Variants in SYT17 observed in about 807,000 individuals in gnomAD.
SYT17 encodes the protein synaptotagmin-17.
In SYT17, 22 loss-of-function variants were observed where a neutral mutation model predicts 46.7. The ratio of observed to expected loss-of-function variants is 0.47; its 90% CI spans 0.34 to 0.67. The LOEUF (loss-of-function observed/expected upper bound fraction) is 0.67. SYT17 is among the 30% of genes least tolerant of loss of function. The probability of loss-of-function intolerance (pLI) is 0.01; values close to 1 mark genes in which losing one functional copy is unlikely to be tolerated. For synonymous variants in SYT17, 251 were observed against 248.4 expected (o/e 1.01, Z -0.10); for missense variants, 519 against 612.8 (o/e 0.85, Z 1.62).
At position 19,238,546 on chromosome 16, in the gene SYT17, A is replaced by G. The variant is rs779181394; in HGVS notation, c.1228+13708A>G. Among the ~76,000 whole-genome samples the G allele has an allele frequency of 3.9e-5, 6 of 152,246 alleles. No individual in the cohort carries two copies. In the South Asian group the frequency reaches 6.2e-4, roughly 16 times the overall value. On this transcript the variant is annotated intron_variant, in intron 7 of 7. Transcript: ENST00000355377. ...GTGGTAGAACTTGGCTGGATCGTAC[A>G]CATCCATTATGGGTTCCAATGGCAG...
intron 5 of SYT17, among the ~76,000 whole-genome samples, chr16:19,201,014 C>T (rs908331609): frequency 6.6e-6 from 1 of 152,128 alleles, no homozygotes; most frequent in African/African-American, 2.4e-5. Context: ...CCCCACCACC[C>T]AGGGCTCTCT....
chr16:19,183,800 A>T lies in SYT17; in HGVS notation c.604A>T (p.Thr202Ser), dbSNP rs771060325. The T allele has an allele frequency of 1.5e-5, 24 of 1,613,860 alleles. No homozygotes were observed. In the East Asian group the frequency reaches 5.3e-4, roughly 36 times the overall value. ...GTACGACCTGCTGCACAACCACCTCACCGTGCGCGTGATCGAGGCCAGGGA... is the reference window on the plus strand; with the variant it reads ...GTACGACCTGCTGCACAACCACCTCTCCGTGCGCGTGATCGAGGCCAGGGA... ...TQYDLLHNHLTVRVIEARDLP... is the reference protein window; with the variant it reads ...TQYDLLHNHLSVRVIEARDLP... The change falls in exon 5 of 8, where the codon ACC becomes TCC. Residue 202 changes from threonine to serine, a missense_variant. Transcript: ENST00000355377. The surrounding 1 kb of genome is among the most constrained non-coding windows in gnomAD (Gnocchi z 5.6).
At chr16:19,235,415 G>A (rs1404042263) in intron 7 of SYT17, among the ~76,000 whole-genome samples, 1 of 152,126 alleles carries the variant, frequency 6.6e-6, no homozygotes, top group Non-Finnish European at 1.5e-5. Context: ...CAGAAGGCAG[G>A]ATAGAACTTG....
In SYT17 at chr16:19,267,184, T is replaced by G; in HGVS notation, c.*108T>G. 1.0e-6 allele frequency: 1 copy of G among 955,332 alleles called. No homozygotes were observed. Among genetic ancestry groups the G allele is most frequent in the Non-Finnish European group, 1.5e-6 (1 of 664,632 alleles). 59.2% of individuals were successfully genotyped at this position (955,332 alleles called of 1,614,324 possible). ...CACCTGCATACACACTCGCAACATG[T>G]CTACACACGTCCACACACACAGACA... On this transcript the variant is annotated 3_prime_UTR_variant, in exon 8 of 8. Coordinates refer to ENST00000355377, the MANE Select transcript of SYT17 (RefSeq NM_016524.4).
intron 5 of SYT17, among the ~76,000 whole-genome samples, chr16:19,195,869 C>T (rs1965220047): frequency 6.6e-6 from 1 of 152,044 alleles, no homozygotes; most frequent in South Asian, 2.1e-4. Flanking sequence ...TCCACATTCG[C>T]AGCAACTCGG....
At chr16:19,260,336 CAAAAAAAA>C (rs34504914) in intron 7 of SYT17, among the ~76,000 whole-genome samples, 18 of 22,884 alleles carry the variant, frequency 7.9e-4, no homozygotes, top group Admixed American at 3.1e-3. Flanking sequence ...CAGAAAATAC[CAAAAAAAA>C]AAAAAAAAAA....
intron 7 of SYT17, among the ~76,000 whole-genome samples, chr16:19,254,214 G>A (rs1219838221): frequency 6.6e-6 from 1 of 152,182 alleles, no homozygotes; most frequent in Non-Finnish European, 1.5e-5. Context: ...AACTCCCTGA[G>A]TGAGTCTGCT....
chr16:19,249,990 T>C, intron 7 of SYT17: 2 of 1,536,026 alleles, frequency 1.3e-6, no homozygotes, highest in South Asian at 2.4e-5. Context: ...ACCCAGCTCA[T>C]GGTATCAGTC....
At chr16:19,175,584 A>G (rs1035190901) in intron 3 of SYT17, among the ~76,000 whole-genome samples, 24 of 141,204 alleles carry the variant, frequency 1.7e-4, no homozygotes, top group African/African-American at 6.4e-4. Flanking sequence ...CTGGAAAGTC[A>G]GGGCTGCAGT....
intron 7 of SYT17, among the ~76,000 whole-genome samples, chr16:19,230,177 G>T (rs540421723): frequency 6.6e-6 from 1 of 152,278 alleles, no homozygotes; most frequent in African/African-American, 2.4e-5. Flanking sequence ...GGAGGCCGAA[G>T]TGGGTGGATC....
chr16:19,249,237 G>A (rs1007352355), intron 7 of SYT17, among the ~76,000 whole-genome samples: 3 of 152,048 alleles, frequency 2.0e-5, no homozygotes, highest in African/African-American at 7.2e-5. Context: ...TCATGCCACG[G>A]CACTCCAGCC....
At chr16:19,231,184 A>C (rs1966667690) in intron 7 of SYT17, among the ~76,000 whole-genome samples, 1 of 152,170 alleles carries the variant, frequency 6.6e-6, no homozygotes, top group Non-Finnish European at 1.5e-5. Context: ...TAAATTTGAA[A>C]GAACCAAATG....
chr16:19,260,418 G>A (rs11640489), intron 7 of SYT17, among the ~76,000 whole-genome samples: 63,102 of 139,356 alleles, frequency 0.45, 15,241 homozygotes, highest in East Asian at 0.6. Context: ...GCTGAGGTAG[G>A]AGGATCACTT....
At chr16:19,171,873 G>T (rs1462900919) in intron 1 of SYT17, 1 of 152,164 alleles carries the variant, frequency 6.6e-6, no homozygotes, top group African/African-American at 2.4e-5. Context: ...TAAAAGAAAG[G>T]GGATGGGGGA....
At chr16:19,226,940 G>A (rs1440639956) in intron 7 of SYT17, among the ~76,000 whole-genome samples, 1 of 152,172 alleles carries the variant, frequency 6.6e-6, no homozygotes, top group African/African-American at 2.4e-5. Flanking sequence ...ATGAAAAGAT[G>A]TGTAAGGACA....
chr16:19,197,110 G>A (rs533994759), intron 5 of SYT17, among the ~76,000 whole-genome samples: 254 of 152,288 alleles, frequency 1.7e-3, no homozygotes, highest in African/African-American at 6.0e-3. Context: ...TCTTTAACTT[G>A]CCCTGAGCTG....
At chr16:19,263,888 T>C (rs1204570501) in intron 7 of SYT17, among the ~76,000 whole-genome samples, 1 of 152,200 alleles carries the variant, frequency 6.6e-6, no homozygotes, top group Non-Finnish European at 1.5e-5. Flanking sequence ...CTCCAAATTA[T>C]TCAGCTGCTG....
In SYT17 at chr16:19,267,929, A is replaced by G. The variant is rs1325543301; in HGVS notation, c.*853A>G. On this transcript the variant is annotated 3_prime_UTR_variant, in exon 8 of 8. Transcript: ENST00000355377. ...CTGTCTGTCAGAGATCCCACTTTGG[A>G]TAAAAGTAGTGTGTGTGTGTGTGTG... 6.7e-6 allele frequency: 1 copy of G among 149,850 alleles called. No homozygotes were observed. Among genetic ancestry groups the G allele is most frequent in the African/African-American group, 2.6e-5 (1 of 39,196 alleles). The allele number at this position is 149,850 out of a possible 1,614,324, so 9.3% of individuals were successfully genotyped here. A position where few individuals can be genotyped will look rare whatever the true frequency, so the allele number is the denominator to read the frequency against.
chr16:19,261,589 G>A (rs1968979905), intron 7 of SYT17, among the ~76,000 whole-genome samples: 1 of 152,142 alleles, frequency 6.6e-6, no homozygotes, highest in African/African-American at 2.4e-5. Context: ...TGTACTTTCT[G>A]TAAGAAGTTC....
Sources: gnomAD v4.1 joint callset for allele counts (sites outside exome capture counted in the v4.1 genomes callset) on GRCh38, gnomAD v4.1.1 for gene constraint, Gnocchi (gnomAD v3.1) non-coding constraint, MANE v1.5 for transcripts, NCBI Gene and HGNC (gene_info 2026-07-23, HGNC 2026-07-21) for gene names.